PTCHD4: variants seen among roughly 807,000 people sequenced by gnomAD.
PTCHD4 encodes patched domain containing 4.
PTCHD4 carries 33 observed loss-of-function variants against 58.1 expected under a neutral mutation model. The observed-to-expected ratio is 0.57, with a 90% CI of 0.43 to 0.76. The LOEUF (loss-of-function observed/expected upper bound fraction) is 0.76, where lower values mean the gene tolerates loss of function less well. Ranked by LOEUF, PTCHD4 falls within the 30% of genes least tolerant of loss-of-function variation. The probability of loss-of-function intolerance (pLI) is 0.00; values close to 1 mark genes in which losing one functional copy is unlikely to be tolerated. For synonymous variants in PTCHD4, 478 were observed against 409.6 expected, an observed-to-expected ratio of 1.17 and a Z score of -2.02; for missense variants, 1,058 against 1,027.1, an observed-to-expected ratio of 1.03 and a Z score of -0.41.
rs1255757139 is a variant in PTCHD4, at chr6:47,871,115, C to T, written c.*7188G>A. Among the ~76,000 whole-genome samples the T allele has an allele frequency of 3.3e-5, 5 of 151,522 alleles. No individual in the cohort carries two copies. Among genetic ancestry groups the T allele is most frequent in the Admixed American group, 2.0e-4 (3 of 15,174 alleles). On this transcript the variant is annotated 3_prime_UTR_variant, in exon 5 of 5. Transcript: ENST00000339488. ...TTTTAGGAAAGAAAATAAAAATGCT[C>T]AACTTTTACTCTCATTTCTACAATT...
At chr6:47,990,380 G>A (rs956658193) in intron 4 of PTCHD4, among the ~76,000 whole-genome samples, 1 of 152,108 alleles carries the variant, frequency 6.6e-6, no homozygotes, top group Non-Finnish European at 1.5e-5. Context: ...GGGGCAGAAT[G>A]ATATGGTTTG....
intron 4 of PTCHD4, among the ~76,000 whole-genome samples, chr6:47,913,594 G>A (rs1765135832): frequency 6.6e-6 from 1 of 152,088 alleles, no homozygotes; most frequent in Admixed American, 6.6e-5. Context: ...TATATATTCT[G>A]GGTTAGATTG....
intron 3 of PTCHD4, among the ~76,000 whole-genome samples, chr6:48,016,231 T>C (rs375723320): frequency 3.3e-5 from 5 of 151,964 alleles, no homozygotes; most frequent in Non-Finnish European, 5.9e-5. Flanking sequence ...CTCAGGGACC[T>C]GAAGGGAGTA....
In PTCHD4 at chr6:47,874,494, G is replaced by A. The variant is rs1763795754; in HGVS notation, c.*3809C>T. Among the ~76,000 whole-genome samples, 1 of 151,682 alleles carries A rather than the reference G, an allele frequency of 6.6e-6. No individual in the cohort carries two copies. ...TTACAGTCAACTTATAAAAATACAT[G>A]TAATTCTGAATGGCAATAGTTAATC... On this transcript the variant is annotated 3_prime_UTR_variant, in exon 5 of 5. Transcript: ENST00000339488.
intron 1 of PTCHD4, among the ~76,000 whole-genome samples, chr6:48,096,190 CA>C (rs1166258427): frequency 6.6e-6 from 1 of 152,064 alleles, no homozygotes; most frequent in African/African-American, 2.4e-5. Flanking sequence ...GAGGAAGTGA[CA>C]TTTCAATTAG....
Position 47,871,935 on chromosome 6 carries a change from G to A in PTCHD4, c.*6368C>T, listed in dbSNP as rs1763722925. The stretch of plus-strand genomic sequence containing the variant: ...GTTTATCAGTTTGTAGCACATTTAT[G>A]TTTGTGAAGAAAAGATGCCAGAATT... On this transcript the variant is annotated 3_prime_UTR_variant, in exon 5 of 5. Transcript: ENST00000339488. Among the ~76,000 whole-genome samples the A allele has an allele frequency of 6.6e-6, 1 of 151,572 alleles. No homozygotes were observed. The highest frequency in any genetic ancestry group is 6.6e-5 in the Admixed American group (1 of 15,178).
At chr6:48,033,028 TA>T (rs1346723816) in intron 3 of PTCHD4, among the ~76,000 whole-genome samples, 3 of 152,168 alleles carry the variant, frequency 2.0e-5, no homozygotes, top group Admixed American at 6.5e-5. Context: ...CAGCTAAAAA[TA>T]TTTTTTTTAG....
intron 4 of PTCHD4, among the ~76,000 whole-genome samples, chr6:47,958,005 T>G (rs1228331052): frequency 6.6e-6 from 1 of 152,156 alleles, no homozygotes; most frequent in Non-Finnish European, 1.5e-5. Context: ...AAAAGCATAT[T>G]ATGCAGAATT....
chr6:48,028,051 C>T (rs532210422), intron 3 of PTCHD4, among the ~76,000 whole-genome samples: 2 of 152,156 alleles, frequency 1.3e-5, no homozygotes, highest in Admixed American at 6.5e-5. Flanking sequence ...AAGTGATTCT[C>T]GTGCCTCAGC....
chr6:47,989,381 T>G (rs905804266), intron 4 of PTCHD4, among the ~76,000 whole-genome samples: 1 of 152,168 alleles, frequency 6.6e-6, no homozygotes, highest in Non-Finnish European at 1.5e-5. Flanking sequence ...TTGCATAAGT[T>G]AATCACAAAG....
chr6:48,103,757 G>T (rs1286227945), intron 1 of PTCHD4, among the ~76,000 whole-genome samples: 1 of 152,150 alleles, frequency 6.6e-6, no homozygotes, highest in Non-Finnish European at 1.5e-5. Flanking sequence ...AGTACTTAAA[G>T]GAACTGATGG....
chr6:47,904,898 A>G (rs1447289024), intron 4 of PTCHD4, among the ~76,000 whole-genome samples: 1 of 152,214 alleles, frequency 6.6e-6, no homozygotes, highest in Non-Finnish European at 1.5e-5. Flanking sequence ...AACAATTTAC[A>G]TTAGATGAGG....
intron 3 of PTCHD4, among the ~76,000 whole-genome samples, chr6:48,039,268 A>G (rs1763757307): frequency 6.6e-6 from 1 of 152,172 alleles, no homozygotes; most frequent in Non-Finnish European, 1.5e-5. Flanking sequence ...ACACAAATAG[A>G]AGGTTGAGTC....
At chr6:47,964,786 G>A (rs1283377320) in intron 4 of PTCHD4, among the ~76,000 whole-genome samples, 2 of 152,104 alleles carry the variant, frequency 1.3e-5, no homozygotes, top group African/African-American at 4.8e-5. Flanking sequence ...CAGTGTATTT[G>A]CTTGCTTGAG....
chr6:48,101,964 A>G (rs1765612901), intron 1 of PTCHD4, among the ~76,000 whole-genome samples: 1 of 152,144 alleles, frequency 6.6e-6, no homozygotes, highest in Non-Finnish European at 1.5e-5. Flanking sequence ...TTCCCAATAA[A>G]CTGTGGAAGA....
intron 3 of PTCHD4, among the ~76,000 whole-genome samples, chr6:48,011,690 G>A (rs1275356827): frequency 6.6e-6 from 1 of 152,064 alleles, no homozygotes; most frequent in African/African-American, 2.4e-5. Flanking sequence ...TTCTTCTAGG[G>A]TTTTTATGTT....
intron 3 of PTCHD4, among the ~76,000 whole-genome samples, chr6:48,025,890 A>G (rs1763225761): frequency 6.6e-6 from 1 of 152,152 alleles, no homozygotes. Context: ...AATGGCACTC[A>G]GGGACAGGGC....
intron 3 of PTCHD4, among the ~76,000 whole-genome samples, chr6:48,015,075 C>T (rs1762821367): frequency 6.6e-6 from 1 of 150,556 alleles, no homozygotes; most frequent in African/African-American, 2.5e-5. Flanking sequence ...TACAAAAGTT[C>T]TGAAATTCCT....
chr6:47,932,734 T>C (rs936462923), intron 4 of PTCHD4, among the ~76,000 whole-genome samples: 1 of 152,176 alleles, frequency 6.6e-6, no homozygotes, highest in African/African-American at 2.4e-5. Flanking sequence ...TGTGGTACAG[T>C]GTGAGGGTCA....
Sources: allele counts gnomAD v4.1 joint callset (sites outside exome capture counted in the v4.1 genomes callset), GRCh38; gene constraint gnomAD v4.1.1; transcripts MANE v1.5; gene names NCBI Gene and HGNC (gene_info 2026-07-23, HGNC 2026-07-21).